VPS39: variants seen among roughly 807,000 people sequenced by gnomAD.
VPS39 encodes the protein VPS39 subunit of HOPS complex, also known as vam6/Vps39-like protein.
In VPS39, 70 loss-of-function variants were observed where a neutral mutation model predicts 121.0. The observed-to-expected ratio is 0.58, with a 90% CI of 0.48 to 0.71. The LOEUF is 0.71. Ranked by LOEUF, VPS39 falls within the 30% of genes least tolerant of loss-of-function variation. VPS39 has a pLI of 0.00. For missense variants in VPS39, 818 were observed against 1,051.5 expected (o/e 0.78, Z 3.07); for synonymous variants, 378 against 398.1 (o/e 0.95, Z 0.60).
intron 12 of VPS39, among the ~76,000 whole-genome samples, chr15:42,167,980 G>C (rs1287425747): frequency 6.6e-6 from 1 of 152,166 alleles, no homozygotes; most frequent in Non-Finnish European, 1.5e-5. Flanking sequence ...CATTTTGACA[G>C]ATGTGTACAT....
chr15:42,195,768 G>T (rs1291150368), intron 2 of VPS39, among the ~76,000 whole-genome samples: 1 of 152,154 alleles, frequency 6.6e-6, no homozygotes, highest in Non-Finnish European at 1.5e-5. Flanking sequence ...GAGATTCAAT[G>T]CCATCCTCAT....
At chr15:42,183,099 G>A (rs998509232) in intron 8 of VPS39, among the ~76,000 whole-genome samples, 3 of 146,740 alleles carry the variant, frequency 2.0e-5, no homozygotes, top group African/African-American at 7.7e-5. Flanking sequence ...AACATGATGT[G>A]TTTTTTGTTT....
intron 2 of VPS39, among the ~76,000 whole-genome samples, chr15:42,192,432 C>A (rs1234994606): frequency 6.6e-6 from 1 of 152,200 alleles, no homozygotes; most frequent in Non-Finnish European, 1.5e-5. Context: ...GACTCTAAAG[C>A]CTGTGCTCTG....
At chr15:42,187,036 A>AT in intron 7 of VPS39, among the ~76,000 whole-genome samples, 1 of 152,362 alleles carries the variant, frequency 6.6e-6, no homozygotes, top group South Asian at 2.1e-4. Context: ...AGTAAAATAC[A>AT]CACTGTGGAT....
At chr15:42,167,728 C>G (rs541398756) in intron 12 of VPS39, among the ~76,000 whole-genome samples, 191 bp from the exon 13 acceptor site, 2 of 151,980 alleles carry the variant, frequency 1.3e-5, no homozygotes, top group Non-Finnish European at 2.9e-5. Flanking sequence ...TACTACAGAC[C>G]AGGCACCATG....
chr15:42,189,794 CT>C (rs34353468), intron 4 of VPS39, among the ~76,000 whole-genome samples: 400 of 34,002 alleles, frequency 0.012, no homozygotes, highest in East Asian at 0.081. Flanking sequence ...CCAAAACACT[CT>C]TTTTTTTTTT....
chr15:42,189,021 C>T (rs1255249509), intron 5 of VPS39, 93 bp downstream of exon 5: 3 of 890,816 alleles, frequency 3.4e-6, no homozygotes. Context: ...TATGGATCAT[C>T]AGTGTCATTC....
chr15:42,198,240 G>T (rs190754364), intron 2 of VPS39, among the ~76,000 whole-genome samples: 3 of 152,276 alleles, frequency 2.0e-5, no homozygotes, highest in African/African-American at 2.4e-5. Flanking sequence ...AAAAACAATT[G>T]TTGAATGCTG....
chr15:42,189,706 G>T (rs2049781152), intron 4 of VPS39, among the ~76,000 whole-genome samples: 1 of 128,600 alleles, frequency 7.8e-6, no homozygotes, highest in East Asian at 2.3e-4. Context: ...TCCAGCCTGG[G>T]CGACAGAGTG....
intron 20 of VPS39, 48 bp downstream of exon 20, chr15:42,163,578 G>A (rs1595637184): frequency 6.4e-7 from 1 of 1,567,006 alleles, no homozygotes; most frequent in Non-Finnish European, 8.8e-7. Context: ...CTCTCTGCAG[G>A]GCCTGCTTTT....
chr15:42,165,077 G>A lies in VPS39; in HGVS notation c.1816C>T (p.Arg606Trp), dbSNP rs151301774. ...AGCTGGATCAGGCAGTTGTGGAACC[G>A]AGAGCCTGTCTCCTCCCAAACATGG... is the stretch of plus-strand genomic sequence containing the variant. ...IIHVWEETGS[R>W]FHNCLIQLYC... Residue 606 changes from arginine (R) to tryptophan (W), a missense_variant, in exon 18 of 25, where the codon CGG (arginine) becomes TGG (tryptophan). Coordinates refer to ENST00000318006, the MANE Select transcript of VPS39 (RefSeq NM_015289.5). 147 of 1,614,212 alleles carry A rather than the reference G, an allele frequency of 9.1e-5. No homozygotes were observed. The highest frequency in any genetic ancestry group is 5.0e-5 in the Admixed American group (3 of 60,024).
At chr15:42,177,810 G>C (rs2049487222) in intron 10 of VPS39, among the ~76,000 whole-genome samples, 1 of 152,092 alleles carries the variant, frequency 6.6e-6, no homozygotes, top group African/African-American at 2.4e-5. Context: ...GGGATTACAG[G>C]TTCCTGCCAC....
chr15:42,184,504 C>T lies in VPS39; in HGVS notation c.718+13G>A. On this transcript the variant is annotated intron_variant, in intron 8 of 24. Coordinates refer to ENST00000318006, the MANE Select transcript of VPS39 (RefSeq NM_015289.5). The stretch of plus-strand genomic sequence containing the variant: ...AACCCAAAGTGGGAAACAGCAGCTA[C>T]TGTTGGTCTCACCCATGGCCACTGG... The T allele has an allele frequency of 6.3e-7, 1 of 1,587,318 alleles. No homozygotes were observed. The highest frequency in any genetic ancestry group is 8.6e-7 in the Non-Finnish European group (1 of 1,168,400).
At chr15:42,197,288 C>T (rs1373317633) in intron 2 of VPS39, among the ~76,000 whole-genome samples, 1 of 148,956 alleles carries the variant, frequency 6.7e-6, no homozygotes, top group East Asian at 2.0e-4. Context: ...AACAAACCTG[C>T]ACGTTGTGCA....
intron 1 of VPS39, among the ~76,000 whole-genome samples, chr15:42,203,950 G>A (rs549134140): frequency 2.0e-5 from 3 of 152,266 alleles, no homozygotes; most frequent in Non-Finnish European, 2.9e-5. Flanking sequence ...AACACAAAAC[G>A]CACACATAAG....
chr15:42,162,547 C>G lies in VPS39; in HGVS notation c.2176-66G>C. The G allele has an allele frequency of 2.7e-6, 4 of 1,503,896 alleles. No individual in the cohort carries two copies. The South Asian group carries it at 5.5e-5, about 21-fold the overall frequency. 93.2% of individuals were successfully genotyped at this position (1,503,896 alleles called of 1,614,324 possible). On this transcript the variant is annotated intron_variant, in intron 21 of 24. Transcript: ENST00000318006. ...CCCTCCCAGAACCCCCAGCACTGAG[C>G]ATGCCTAACGATTCGAGGGGCTCGC...
intron 20 of VPS39, 27 bp downstream of exon 20, chr15:42,163,599 G>A (rs71474477): frequency 6.3e-7 from 1 of 1,598,682 alleles, no homozygotes; most frequent in Non-Finnish European, 8.6e-7. Flanking sequence ...AGACTGCTTA[G>A]GAGGTGGGAT....
Position 42,178,537 on chromosome 15 carries a change from G to A in VPS39, c.752C>T (p.Pro251Leu). The A allele has an allele frequency of 2.5e-6, 4 of 1,614,136 alleles. No homozygotes were observed. The highest frequency in any genetic ancestry group is 2.5e-6 in the Non-Finnish European group (3 of 1,180,038). The change falls in exon 9 of 25, where the codon CCT becomes CTT. Residue 251 changes from proline to leucine, a missense_variant. By Grantham distance (98) the Pro-to-Leu change is moderately conservative. Transcript: ENST00000318006. ...HQPPYIIAVL[P>L]RYVEIRTFEP... The stretch of plus-strand genomic sequence containing the variant: ...AAATGTTCGGATCTCAACATATCGA[G>A]GCAACACTGCAATGATGTAGGGAGG...
At chr15:42,202,940 C>T (rs1306281642) in intron 1 of VPS39, among the ~76,000 whole-genome samples, 1 of 152,162 alleles carries the variant, frequency 6.6e-6, no homozygotes, top group African/African-American at 2.4e-5. Flanking sequence ...AAGTCAAATT[C>T]CTAAACATGA....
Sources: gnomAD v4.1 joint callset for allele counts (sites outside exome capture counted in the v4.1 genomes callset) on GRCh38, gnomAD v4.1.1 for gene constraint, MANE v1.5 for transcripts, NCBI Gene and HGNC (gene_info 2026-07-23, HGNC 2026-07-21) for gene names.